DCLK1: variants seen among roughly 807,000 people sequenced by gnomAD.
DCLK1 encodes the protein doublecortin like kinase 1.
In DCLK1, 16 loss-of-function variants were observed where a neutral mutation model predicts 86.2. The ratio of observed to expected loss-of-function variants is 0.19; its 90% confidence interval spans 0.13 to 0.28. DCLK1 has a LOEUF of 0.28. Among genes scored for constraint, DCLK1 ranks in the 10% least tolerant of loss-of-function variants. The pLI is 1.00. For synonymous variants in DCLK1, 369 were observed against 370.5 expected (o/e 1.00, Z 0.05); for missense variants, 590 against 940.2 (o/e 0.63, Z 4.87).
chr13:36,058,461 A>C (rs1347137376), intron 3 of DCLK1, among the ~76,000 whole-genome samples: 1 of 152,204 alleles, frequency 6.6e-6, no homozygotes, highest in Non-Finnish European at 1.5e-5. Flanking sequence ...CAAATTAAGA[A>C]ATGTGAAGCT....
At chr13:35,967,063 G>A (rs973887845) in intron 3 of DCLK1, among the ~76,000 whole-genome samples, 6 of 151,124 alleles carry the variant, frequency 4.0e-5, no homozygotes, top group African/African-American at 7.3e-5. Context: ...AGTGAGGAGC[G>A]TCTCTGCCCG....
At chr13:35,928,246 C>T (rs1042598389) in intron 4 of DCLK1, among the ~76,000 whole-genome samples, 1 of 152,080 alleles carries the variant, frequency 6.6e-6, no homozygotes, top group African/African-American at 2.4e-5. Flanking sequence ...GTGCCCTTAA[C>T]CTATGAAGTC....
intron 4 of DCLK1, among the ~76,000 whole-genome samples, chr13:35,896,446 G>A (rs766771266): frequency 2.0e-5 from 3 of 147,644 alleles, no homozygotes; most frequent in Non-Finnish European, 4.4e-5. Context: ...GCTGAAGCAG[G>A]AGAATCGCTT....
intron 3 of DCLK1, among the ~76,000 whole-genome samples, chr13:36,014,237 CT>C (rs1001442990): frequency 6.6e-6 from 1 of 152,166 alleles, no homozygotes; most frequent in African/African-American, 2.4e-5. Context: ...TCCTCTACCC[CT>C]CTCTAAAATT....
chr13:35,782,334 G>A (rs139015255), intron 16 of DCLK1, among the ~76,000 whole-genome samples: 14 of 152,160 alleles, frequency 9.2e-5, no homozygotes, highest in Non-Finnish European at 1.8e-4. Flanking sequence ...TCCTCTGCCC[G>A]ACAGCCCCTG....
chr13:36,075,736 A>T (rs1037880193), intron 3 of DCLK1, among the ~76,000 whole-genome samples: 1 of 152,062 alleles, frequency 6.6e-6, no homozygotes, highest in East Asian at 1.9e-4. Context: ...GCTAGTGTTG[A>T]CCGGGCATGG....
chr13:35,861,937 C>T (rs949079834), intron 5 of DCLK1, among the ~76,000 whole-genome samples: 4 of 142,602 alleles, frequency 2.8e-5, no homozygotes, highest in African/African-American at 1.0e-4. Flanking sequence ...AAGGCTGAGG[C>T]GGGAGAATGG....
chr13:35,815,291 T>C (rs1206227398), intron 11 of DCLK1, among the ~76,000 whole-genome samples: 2 of 152,180 alleles, frequency 1.3e-5, no homozygotes, highest in Non-Finnish European at 1.5e-5. Flanking sequence ...TATATAGTCA[T>C]AAAATGCAGC....
chr13:36,085,939 A>G (rs1179915572), intron 3 of DCLK1, among the ~76,000 whole-genome samples: 2 of 152,218 alleles, frequency 1.3e-5, no homozygotes, highest in Admixed American at 6.5e-5. Context: ...CTTATTTTCA[A>G]TTAGTTACCC....
intron 1 of DCLK1, among the ~76,000 whole-genome samples, chr13:36,130,467 G>C (rs766040481): frequency 1.3e-5 from 2 of 152,224 alleles, no homozygotes; most frequent in South Asian, 4.1e-4. Flanking sequence ...CTCTTTTGTG[G>C]GGCATTGCGG....
intron 3 of DCLK1, among the ~76,000 whole-genome samples, chr13:35,956,781 C>T (rs1878009131): frequency 1.3e-5 from 2 of 151,798 alleles, no homozygotes; most frequent in Admixed American, 1.3e-4. Context: ...CCAAAGCAAG[C>T]AGCATCAGGC....
chr13:35,791,077 G>A (rs2153099202), intron 16 of DCLK1, among the ~76,000 whole-genome samples: 1 of 152,222 alleles, frequency 6.6e-6, no homozygotes, highest in Admixed American at 6.5e-5. Flanking sequence ...TGGAGAAGGT[G>A]CCTCATGTAC....
chr13:35,982,807 G>A (rs929753980), intron 3 of DCLK1, among the ~76,000 whole-genome samples: 23 of 152,096 alleles, frequency 1.5e-4, no homozygotes, highest in Non-Finnish European at 2.8e-4. Context: ...TGTCACCCAG[G>A]TTGGAGTGCA....
At chr13:36,075,079 A>T (rs147694108) in intron 3 of DCLK1, among the ~76,000 whole-genome samples, 75 of 152,314 alleles carry the variant, frequency 4.9e-4, no homozygotes, top group African/African-American at 1.8e-3. Context: ...TTACTCCCTG[A>T]CCTCCACATC....
chr13:36,023,818 T>C lies in DCLK1; in HGVS notation c.724-76361A>G, dbSNP rs546691104. On this transcript the variant is annotated intron_variant, in intron 3 of 16. Coordinates refer to ENST00000360631, the MANE Select transcript of DCLK1 (RefSeq NM_001330071.2). ...AAAAACTCCACAGAGAATATCATAC[T>C]TAATACAGAAATACTGAAAGCTTTC... Among the ~76,000 whole-genome samples the C allele has an allele frequency of 4.6e-5, 7 of 152,000 alleles. No individual in the cohort carries two copies. The East Asian group carries it at 1.4e-3, about 29-fold the overall frequency.
At chr13:35,887,639 T>A (rs923862814) in intron 4 of DCLK1, among the ~76,000 whole-genome samples, 1 of 152,120 alleles carries the variant, frequency 6.6e-6, no homozygotes, top group African/African-American at 2.4e-5. Context: ...TAGTTTCCTA[T>A]TCTGTGAAAA....
chr13:36,025,957 G>C (rs773190599), intron 3 of DCLK1, among the ~76,000 whole-genome samples: 2 of 152,076 alleles, frequency 1.3e-5, no homozygotes, highest in Non-Finnish European at 2.9e-5. Context: ...GATCTAGGAT[G>C]GTCATGGTGG....
intron 2 of DCLK1, among the ~76,000 whole-genome samples, chr13:36,113,801 C>T (rs1885692628): frequency 6.6e-6 from 1 of 152,084 alleles, no homozygotes; most frequent in South Asian, 2.1e-4. Context: ...GTGAAAATGA[C>T]CTGAGGCTAC....
intron 3 of DCLK1, among the ~76,000 whole-genome samples, chr13:36,092,234 C>T (rs1009670602): frequency 2.6e-5 from 4 of 151,706 alleles, no homozygotes; most frequent in African/African-American, 7.3e-5. Context: ...TGTGATATCA[C>T]ACATATTATA....
Sources: allele counts gnomAD v4.1 joint callset (sites outside exome capture counted in the v4.1 genomes callset), GRCh38; gene constraint gnomAD v4.1.1; transcripts MANE v1.5; gene names NCBI Gene and HGNC (gene_info 2026-07-23, HGNC 2026-07-21).